Variants in RAPGEF5 observed in about 807,000 individuals in gnomAD.
RAPGEF5 encodes Rap guanine nucleotide exchange factor 5.
RAPGEF5 carries 65 observed loss-of-function variants against 125.2 expected under a neutral mutation model. The observed-to-expected ratio is 0.52, with a 90% confidence interval of 0.43 to 0.64. The LOEUF is 0.64. Ranked by LOEUF, RAPGEF5 falls within the 30% of genes least tolerant of loss-of-function variation. The pLI is 0.00. For missense variants in RAPGEF5, 958 were observed against 1,048.1 expected (o/e 0.91, Z 1.19); for synonymous variants, 391 against 385.9 (o/e 1.01, Z -0.16).
At chr7:22,129,802 C>A (rs867254402) in intron 24 of RAPGEF5, among the ~76,000 whole-genome samples, 2 of 152,104 alleles carry the variant, frequency 1.3e-5, no homozygotes, top group Admixed American at 6.5e-5. Flanking sequence ...GGAGATAAAG[C>A]AAGATATTCC....
intron 7 of RAPGEF5, among the ~76,000 whole-genome samples, chr7:22,263,684 T>C (rs1427915732): frequency 6.6e-6 from 1 of 150,764 alleles, no homozygotes; most frequent in Non-Finnish European, 1.5e-5. Context: ...GAGCCGAAAT[T>C]GCGCCACTGC....
At chr7:22,314,524 C>T (rs1020456025) in intron 3 of RAPGEF5, 7 of 723,690 alleles carry the variant, frequency 9.7e-6, no homozygotes, top group Non-Finnish European at 1.2e-5. Flanking sequence ...TATCATAAAG[C>T]TAAGTTTATT....
At chr7:22,152,204 G>A (rs145001846) in intron 17 of RAPGEF5, among the ~76,000 whole-genome samples, 426 of 152,098 alleles carry the variant, frequency 2.8e-3, no homozygotes, top group African/African-American at 8.9e-3. Context: ...TATTCTTTAC[G>A]GCCCAGCATT....
Position 22,162,288 on chromosome 7 carries a change from T to A in RAPGEF5, c.1428+109A>T. On this transcript the variant is annotated intron_variant, in intron 13 of 25. Transcript: ENST00000665637. ...TATTCTCTGAATCACAACTTGACTA[T>A]CACAAGAAAGCTGAATGACTGTTAC... 4 of 1,171,002 alleles carry A rather than the reference T, an allele frequency of 3.4e-6. No homozygotes were observed. The South Asian group carries it at 4.7e-5, about 14-fold the overall frequency. The allele number at this position is 1,171,002 out of a possible 1,614,324, so 72.5% of individuals were successfully genotyped here.
intron 11 of RAPGEF5, among the ~76,000 whole-genome samples, chr7:22,189,012 G>A (rs894710312): frequency 6.8e-6 from 1 of 146,954 alleles, no homozygotes; most frequent in Non-Finnish European, 1.5e-5. Context: ...CCACACAGAG[G>A]CATGCTAACA....
Position 22,289,447 on chromosome 7 carries a change from T to G in RAPGEF5, c.747+1728A>C, listed in dbSNP as rs901040005. On this transcript the variant is annotated intron_variant, in intron 6 of 25. Transcript: ENST00000665637. ...TCTATAAAATAGACATAATACCACC[T>G]ACTTCATAGTGCTGTTGTACAGTAC... Among the ~76,000 whole-genome samples the G allele has an allele frequency of 3.3e-5, 5 of 152,246 alleles. No homozygotes were observed. The East Asian group carries it at 9.6e-4, about 29-fold the overall frequency.
chr7:22,129,337 G>C (rs987243430), intron 24 of RAPGEF5, among the ~76,000 whole-genome samples: 9 of 152,180 alleles, frequency 5.9e-5, no homozygotes, highest in African/African-American at 2.2e-4. Context: ...GGACTAGTCA[G>C]GGGAAAGGAT....
intron 6 of RAPGEF5, among the ~76,000 whole-genome samples, chr7:22,273,150 A>G (rs1441735279): frequency 1.3e-5 from 2 of 151,832 alleles, no homozygotes; most frequent in Admixed American, 6.6e-5. Context: ...GTGTTTGTTA[A>G]GCATGCTGTG....
intron 5 of RAPGEF5, chr7:22,298,475 G>A (rs982152488): frequency 3.9e-5 from 6 of 152,062 alleles, no homozygotes; most frequent in African/African-American, 9.7e-5. Flanking sequence ...CACCGCGCCC[G>A]GCCTTACTGT....
At chr7:22,282,145 T>G (rs927730848) in intron 6 of RAPGEF5, among the ~76,000 whole-genome samples, 5 of 152,218 alleles carry the variant, frequency 3.3e-5, no homozygotes, top group Admixed American at 6.5e-5. Flanking sequence ...AAACCGTAAC[T>G]GAGCACAATG....
At chr7:22,322,598 A>G (rs1344582420) in intron 1 of RAPGEF5, among the ~76,000 whole-genome samples, 1 of 152,242 alleles carries the variant, frequency 6.6e-6, no homozygotes, top group Non-Finnish European at 1.5e-5. Flanking sequence ...TTATTGTCCC[A>G]TACATGTCTC....
At chr7:22,148,772 C>CT (rs1487612286) in intron 18 of RAPGEF5, among the ~76,000 whole-genome samples, 1 of 152,146 alleles carries the variant, frequency 6.6e-6, no homozygotes, top group Non-Finnish European at 1.5e-5. Flanking sequence ...CAGGAGGGAG[C>CT]TACCTGAGAA....
At chr7:22,123,460 G>A (rs1280359147) in intron 25 of RAPGEF5, among the ~76,000 whole-genome samples, 1 of 152,226 alleles carries the variant, frequency 6.6e-6, no homozygotes, top group Non-Finnish European at 1.5e-5. Flanking sequence ...ATTATGCATG[G>A]GACAGGCAGG....
intron 14 of RAPGEF5, among the ~76,000 whole-genome samples, 190 bp from the exon 15 acceptor site, chr7:22,158,075 A>C (rs949368337): frequency 6.6e-6 from 1 of 152,244 alleles, no homozygotes; most frequent in African/African-American, 2.4e-5. Flanking sequence ...ATGAGCCAGG[A>C]AGTAAAGAAG....
chr7:22,166,682 A>T (rs969727997), intron 12 of RAPGEF5, among the ~76,000 whole-genome samples: 13 of 152,194 alleles, frequency 8.5e-5, no homozygotes, highest in African/African-American at 3.1e-4. Flanking sequence ...ATTTTCCTTC[A>T]CAAGTGGTCT....
chr7:22,193,882 C>T, intron 10 of RAPGEF5, 33 bp downstream of exon 10: 1 of 1,612,118 alleles, frequency 6.2e-7, no homozygotes, highest in East Asian at 2.2e-5. Flanking sequence ...GAAACGGGAG[C>T]GCGTGCCTCT....
chr7:22,156,678 T>C, intron 16 of RAPGEF5, 132 bp downstream of exon 16: 1 of 1,413,892 alleles, frequency 7.1e-7, no homozygotes, highest in Non-Finnish European at 9.5e-7. Context: ...AACCATGCTG[T>C]TTGAGGCTAA....
At chr7:22,187,266 T>C (rs1188069279) in intron 11 of RAPGEF5, among the ~76,000 whole-genome samples, 1 of 152,176 alleles carries the variant, frequency 6.6e-6, no homozygotes, top group African/African-American at 2.4e-5. Context: ...AAAGAAAATA[T>C]AGATCCCTTT....
At position 22,120,005 on chromosome 7, in the gene RAPGEF5, C is replaced by T. The variant is rs1278382364; in HGVS notation, c.*2401G>A. 1 of 152,198 alleles carries T rather than the reference C, an allele frequency of 6.6e-6. No homozygotes were observed. The highest frequency in any genetic ancestry group is 2.4e-5 in the African/African-American group (1 of 41,444). 9.4% of individuals were successfully genotyped at this position (152,198 alleles called of 1,614,324 possible). On this transcript the variant is annotated 3_prime_UTR_variant, in exon 26 of 26. Transcript: ENST00000665637. The surrounding 1 kb of genome is among the most constrained non-coding windows in gnomAD (Gnocchi z 4.0). ...ATTCTTTAATTCCAGATCTAAGATT[C>T]TGCAAAGCTTTGGAAACTTCTGAGA...
Sources: allele counts gnomAD v4.1 joint callset (sites outside exome capture counted in the v4.1 genomes callset), GRCh38; gene constraint gnomAD v4.1.1; non-coding constraint Gnocchi (gnomAD v3.1); transcripts MANE v1.5; gene names NCBI Gene and HGNC (gene_info 2026-07-23, HGNC 2026-07-21).